Variants in STRIP2 observed in about 807,000 individuals in gnomAD.
STRIP2 encodes the protein striatin interacting protein 2.
STRIP2 carries 84 observed loss-of-function variants against 107.1 expected under a neutral mutation model. The ratio of observed to expected loss-of-function variants is 0.78; its 90% CI spans 0.66 to 0.94. The LOEUF (loss-of-function observed/expected upper bound fraction) is 0.94. Ranked by LOEUF, STRIP2 falls within the 40% of genes least tolerant of loss-of-function variation. The pLI, the probability that STRIP2 is intolerant of heterozygous loss-of-function variation, is 0.00. For synonymous variants in STRIP2, 394 were observed against 400.4 expected (o/e 0.98, Z 0.19); for missense variants, 888 against 1,034.2 (o/e 0.86, Z 1.94).
At chr7:129,476,741 G>A (rs1457767715) in intron 18 of STRIP2, among the ~76,000 whole-genome samples, 1 of 152,112 alleles carries the variant, frequency 6.6e-6, no homozygotes, top group Non-Finnish European at 1.5e-5. Context: ...TGGGCAGCCG[G>A]GCAGAGACGC....
intron 2 of STRIP2, among the ~76,000 whole-genome samples, chr7:129,442,868 T>A (rs1190314413): frequency 6.6e-6 from 1 of 152,154 alleles, no homozygotes; most frequent in Non-Finnish European, 1.5e-5. Flanking sequence ...TGGTTAAATT[T>A]CCAGGAAGGG....
chr7:129,467,289 C>A, intron 16 of STRIP2, 61 bp from the exon 17 acceptor site: 1 of 1,227,564 alleles, frequency 8.1e-7, no homozygotes, highest in South Asian at 1.3e-5. Context: ...CTCTTTTTTT[C>A]AAACATACTT....
rs1798546359 is a variant in STRIP2 at position 129,461,900 on chromosome 7, G to A, written c.1477-1066G>A. 6.6e-6 allele frequency among the ~76,000 whole-genome samples: 1 copy of A among 152,142 alleles called. No homozygotes were observed. The highest frequency in any genetic ancestry group is 1.5e-5 in the Non-Finnish European group (1 of 68,022). ...TGATCCAAGAGAGGGGATAATTGCA[G>A]GACTGAGGCATTCAACAAAGCAAAT... On this transcript the variant is annotated intron_variant, in intron 13 of 20. Transcript: ENST00000249344. The surrounding 1 kb of genome is among the most constrained non-coding windows in gnomAD (Gnocchi z 4.0).
In STRIP2 at chr7:129,480,831, G is replaced by A. The variant is rs747062476; in HGVS notation, c.1991G>A (p.Cys664Tyr). ...TTCTGCTGGAGGAACCTCTTTTCCT[G>A]CATCAACCTCCTGAGGCTGCTCAAT... ...SQFCWRNLFS[C>Y]INLLRLLNKL... Residue 664 changes from cysteine to tyrosine, a missense_variant, in exon 19 of 21, where the codon TGC becomes TAC. Physicochemically the swap from Cys to Tyr is radical, Grantham distance 194. Transcript: ENST00000249344. The A allele has an allele frequency of 1.1e-5, 17 of 1,613,872 alleles. No individual in the cohort carries two copies. The highest frequency in any genetic ancestry group is 1.4e-5 in the Non-Finnish European group (16 of 1,179,884).
chr7:129,467,350 T>C lies in STRIP2; in HGVS notation c.1777T>C (p.Phe593Leu). 6.2e-7 allele frequency: 1 copy of C among 1,611,654 alleles called. No individual in the cohort carries two copies. Among genetic ancestry groups the C allele is most frequent in the Admixed American group, 1.7e-5 (1 of 59,968 alleles). ...KHFKLNHIYQ[F>L]EYVSQHLVFA... is the part of the protein sequence containing the mutation. ...CTTTCTGCTTTGATTTTTAATTCAG[T>C]TTGAATATGTATCGCAACATTTGGT... The change falls in exon 17 of 21, where the codon TTT becomes CTT. Residue 593 changes from phenylalanine (F) to leucine (L), a missense_variant and splice_region_variant. Phe to Leu is a conservative substitution (Grantham distance 22). Coordinates refer to ENST00000249344, the MANE Select transcript of STRIP2 (RefSeq NM_020704.3).
intron 18 of STRIP2, among the ~76,000 whole-genome samples, chr7:129,480,357 A>G (rs1799085789): frequency 6.6e-6 from 1 of 152,212 alleles, no homozygotes; most frequent in African/African-American, 2.4e-5. Flanking sequence ...AAAAAATTCA[A>G]CCATAGTTGA....
chr7:129,434,736 C>A, intron 1 of STRIP2, 135 bp downstream of exon 1: 2 of 1,115,750 alleles, frequency 1.8e-6, no homozygotes, highest in Non-Finnish European at 2.4e-6. Flanking sequence ...CCTGCGGGGT[C>A]CTAGCGGCTG....
At chr7:129,480,663 G>GT in intron 18 of STRIP2, 122 bp from the exon 19 acceptor site, 1 of 728,792 alleles carries the variant, frequency 1.4e-6, no homozygotes, top group Middle Eastern at 3.0e-4. Context: ...AAACAGGAAG[G>GT]TGAGGAGGTA....
At chr7:129,435,756 A>G (rs1395385094) in intron 1 of STRIP2, among the ~76,000 whole-genome samples, 1 of 152,108 alleles carries the variant, frequency 6.6e-6, no homozygotes, top group African/African-American at 2.4e-5. Context: ...GTACATAGTA[A>G]CTCTTAGTAT....
intron 19 of STRIP2, 26 bp downstream of exon 19, chr7:129,480,915 A>G (rs1799100993): frequency 1.3e-6 from 2 of 1,565,560 alleles, no homozygotes; most frequent in Non-Finnish European, 1.7e-6. Context: ...TACATCATGG[A>G]GTTGTCCATC....
intron 13 of STRIP2, among the ~76,000 whole-genome samples, chr7:129,462,081 AAGCGTG>A (rs1317287485): frequency 1.3e-5 from 2 of 152,162 alleles, no homozygotes; most frequent in African/African-American, 4.8e-5. Flanking sequence ...TTTCTCCATG[AAGCGTG>A]AGGCAGGGTC....
At chr7:129,466,379 C>A (rs1283800421) in intron 16 of STRIP2, among the ~76,000 whole-genome samples, 3 of 152,144 alleles carry the variant, frequency 2.0e-5, no homozygotes, top group Admixed American at 6.5e-5. Flanking sequence ...GAGAAGTAGT[C>A]TTGGCATAAA....
intron 1 of STRIP2, among the ~76,000 whole-genome samples, chr7:129,435,149 C>G (rs1797701114): frequency 1.3e-5 from 2 of 152,218 alleles, no homozygotes; most frequent in Admixed American, 1.3e-4. Flanking sequence ...GGAGCGCCTT[C>G]CGCGGACATC....
At chr7:129,469,566 TACAGAAC>T in intron 17 of STRIP2, among the ~76,000 whole-genome samples, 1 of 152,182 alleles carries the variant, frequency 6.6e-6, no homozygotes, top group East Asian at 1.9e-4. Flanking sequence ...AATGGAGCAG[TACAGAAC>T]TGGCAACCCT....
rs759556468 is a variant in STRIP2 at position 129,482,893 on chromosome 7, A to G, written c.2101A>G (p.Lys701Glu). 6 of 1,614,188 alleles carry G rather than the reference A, an allele frequency of 3.7e-6. No individual in the cohort carries two copies. The South Asian group carries it at 4.4e-5, about 12-fold the overall frequency. Residue 701 changes from lysine (K) to glutamate (E), a missense_variant, in exon 20 of 21, where the codon AAA becomes GAA. By Grantham distance (56) the Lys-to-Glu change is moderately conservative (BLOSUM62 1). Transcript: ENST00000249344. Reference protein sequence around the residue: ...APILKRALKVKQAMLQLYVLK... With the variant: ...APILKRALKVEQAMLQLYVLK... Reference sequence around the variant, plus strand: ...AATCTTAAAGCGGGCCCTCAAGGTCAAACAGGCCATGCTGCAACTTTATGT... The same window carrying G: ...AATCTTAAAGCGGGCCCTCAAGGTCGAACAGGCCATGCTGCAACTTTATGT...
At chr7:129,477,181 G>C (rs920301823) in intron 18 of STRIP2, among the ~76,000 whole-genome samples, 28 of 110,478 alleles carry the variant, frequency 2.5e-4, no homozygotes, top group African/African-American at 8.7e-4. Flanking sequence ...GGGAGAGGGA[G>C]ACCGTGGGGA....
At chr7:129,457,939 A>G in intron 9 of STRIP2, 2 of 443,912 alleles carry the variant, frequency 4.5e-6, no homozygotes, top group Non-Finnish European at 4.2e-6. Flanking sequence ...TGGCAAAAAA[A>G]GGCATCACTG....
intron 18 of STRIP2, among the ~76,000 whole-genome samples, chr7:129,476,847 T>G (rs369462432): frequency 6.6e-6 from 1 of 151,652 alleles, no homozygotes; most frequent in African/African-American, 2.4e-5. Context: ...AGGTTGTAGC[T>G]AGCCGAGATC....
intron 7 of STRIP2, 67 bp downstream of exon 7, chr7:129,454,594 C>A: frequency 1.0e-6 from 1 of 987,284 alleles, no homozygotes; most frequent in Non-Finnish European, 1.6e-6. Context: ...AGAGCATCTG[C>A]CTAGGAGAGG....
Sources: allele counts gnomAD v4.1 joint callset (sites outside exome capture counted in the v4.1 genomes callset), GRCh38; gene constraint gnomAD v4.1.1; non-coding constraint Gnocchi (gnomAD v3.1); transcripts MANE v1.5; gene names NCBI Gene and HGNC (gene_info 2026-07-23, HGNC 2026-07-21).